The following ANKIB1 variants were observed in gnomAD, a reference collection of about 807,000 sequenced individuals.
ANKIB1 encodes ankyrin repeat and IBR domain-containing protein 1.
Under a neutral mutation model 122.1 loss-of-function variants are expected in ANKIB1, and 43 were observed. The observed-to-expected ratio is 0.35, with a 90% CI of 0.28 to 0.45. The LOEUF (loss-of-function observed/expected upper bound fraction) is 0.45, where lower values mean the gene tolerates loss of function less well. Ranked by LOEUF, ANKIB1 falls within the 20% of genes least tolerant of loss-of-function variation. The pLI, the probability that ANKIB1 is intolerant of heterozygous loss-of-function variation, is 1.00. For missense variants in ANKIB1, 992 were observed against 1,329.5 expected, an observed-to-expected ratio of 0.75 and a Z score of 3.95; for synonymous variants, 390 against 442.0, an observed-to-expected ratio of 0.88 and a Z score of 1.48.
chr7:92,359,195 A>G (rs983800690), intron 9 of ANKIB1, among the ~76,000 whole-genome samples: 1 of 152,136 alleles, frequency 6.6e-6, no homozygotes, highest in Non-Finnish European at 1.5e-5. Context: ...TACATTAGGT[A>G]TTTCTTCTAA....
chr7:92,376,812 T>G (rs549211763), intron 11 of ANKIB1, among the ~76,000 whole-genome samples: 1 of 152,232 alleles, frequency 6.6e-6, no homozygotes, highest in African/African-American at 2.4e-5. Flanking sequence ...CAATGTTGGC[T>G]AACTTTAAAT....
chr7:92,251,491 TG>T (rs948726319), intron 1 of ANKIB1, among the ~76,000 whole-genome samples: 27 of 152,164 alleles, frequency 1.8e-4, no homozygotes, highest in Non-Finnish European at 4.0e-4. Context: ...TATTTTCAGA[TG>T]AAAAAAATCA....
rs869276384 is a variant in ANKIB1 at position 92,309,923 on chromosome 7, T to TAAA, written c.486+2285_486+2287dup. On this transcript the variant is annotated intron_variant, in intron 3 of 19. Transcript: ENST00000265742. Reference sequence around the variant, plus strand: ...CTGGGCAACAGAGCGAGACTCCATCTAAAAAAAAAAAAAAAAAAAATATAT... The same window carrying TAAA: ...CTGGGCAACAGAGCGAGACTCCATCTAAAAAAAAAAAAAAAAAAAAAAATATAT... Among the ~76,000 whole-genome samples, 35 of 96,050 alleles carry TAAA rather than the reference T, an allele frequency of 3.6e-4. 1 individual carries two copies. In the East Asian group the frequency reaches 9.4e-3, roughly 26 times the overall value. The allele number at this position is 96,050 out of a possible 152,430, so 63.0% of individuals were successfully genotyped here. A position where few individuals can be genotyped will look rare whatever the true frequency, so the allele number is the denominator to read the frequency against.
At chr7:92,297,211 C>T (rs1295206500) in intron 2 of ANKIB1, among the ~76,000 whole-genome samples, 3 of 152,156 alleles carry the variant, frequency 2.0e-5, no homozygotes, top group Admixed American at 6.5e-5. Context: ...TTGTAACTGG[C>T]GAAGCTTGTT....
intron 1 of ANKIB1, among the ~76,000 whole-genome samples, chr7:92,257,213 A>G (rs935653335): frequency 1.7e-4 from 26 of 151,960 alleles, no homozygotes; most frequent in Non-Finnish European, 2.5e-4. Context: ...AGAGAGAAAA[A>G]AAGAAAAAAA....
rs775897754 is a variant in ANKIB1 at position 92,391,360 on chromosome 7, A to G, written c.2231+16A>G. On this transcript the variant is annotated intron_variant, in intron 16 of 19. Coordinates refer to ENST00000265742, the MANE Select transcript of ANKIB1 (RefSeq NM_019004.2). ...CAAGGCGCAGGTAAAAAGGACGTAC[A>G]CTGTGGAAATCATCCTAGCTCCAGC... The G allele has an allele frequency of 8.3e-6, 13 of 1,563,028 alleles. 1 individual carries two copies. In the Middle Eastern group the frequency reaches 1.2e-3, roughly 144 times the overall value.
chr7:92,361,477 G>C (rs1286082050), intron 9 of ANKIB1, among the ~76,000 whole-genome samples: 3 of 152,124 alleles, frequency 2.0e-5, no homozygotes, highest in African/African-American at 7.2e-5. Flanking sequence ...ATCACATGGG[G>C]CCTGTTCTTC....
chr7:92,388,065 A>T lies in ANKIB1; in HGVS notation c.1906+24A>T, dbSNP rs1055240312. On this transcript the variant is annotated intron_variant, in intron 14 of 19. Coordinates refer to ENST00000265742, the MANE Select transcript of ANKIB1 (RefSeq NM_019004.2). Reference sequence around the variant, plus strand: ...AAGTAAGTTATAAGTTGTATGTGTGATAATTAATATAAAATATCTTTCCAT... The same window carrying T: ...AAGTAAGTTATAAGTTGTATGTGTGTTAATTAATATAAAATATCTTTCCAT... The T allele has an allele frequency of 5.2e-6, 8 of 1,532,962 alleles. No homozygotes were observed. The African/African-American group carries it at 1.1e-4, about 21-fold the overall frequency. 95.0% of individuals were successfully genotyped at this position (1,532,962 alleles called of 1,614,324 possible).
intron 7 of ANKIB1, among the ~76,000 whole-genome samples, chr7:92,349,217 G>T (rs1187065105): frequency 6.6e-6 from 1 of 152,148 alleles, no homozygotes; most frequent in South Asian, 2.1e-4. Flanking sequence ...TTAGCCTGGG[G>T]TTTAAAGAGA....
rs763456589 is a variant in ANKIB1, at chr7:92,389,953, G to T, written c.1907-18G>T. On this transcript the variant is annotated intron_variant, in intron 14 of 19. Coordinates refer to ENST00000265742, the MANE Select transcript of ANKIB1 (RefSeq NM_019004.2). ...ATATTTGCAAAAACAAATTCACTGT[G>T]CCTCAATTACTTTTTAGCTGAAGGA... 1.9e-6 allele frequency: 3 copies of T among 1,571,512 alleles called. No individual in the cohort carries two copies. The highest frequency in any genetic ancestry group is 1.7e-4 in the Middle Eastern group (1 of 5,940).
At chr7:92,347,692 G>A (rs920576415) in intron 7 of ANKIB1, among the ~76,000 whole-genome samples, 1 of 152,142 alleles carries the variant, frequency 6.6e-6, no homozygotes, top group Non-Finnish European at 1.5e-5. Context: ...TAATATTGAG[G>A]ATAAGAGCTC....
intron 1 of ANKIB1, among the ~76,000 whole-genome samples, chr7:92,278,144 A>C (rs1037420776): frequency 6.6e-6 from 1 of 151,786 alleles, no homozygotes; most frequent in Non-Finnish European, 1.5e-5. Context: ...CTAGCTACTC[A>C]GGAGGCTAAG....
At chr7:92,365,272 G>A (rs1288217819) in intron 10 of ANKIB1, among the ~76,000 whole-genome samples, 8 of 152,136 alleles carry the variant, frequency 5.3e-5, no homozygotes, top group African/African-American at 2.4e-5. Context: ...CAAAGAAAGA[G>A]GAGGCCAATT....
intron 1 of ANKIB1, among the ~76,000 whole-genome samples, chr7:92,267,464 T>C (rs1426139617): frequency 6.6e-6 from 1 of 152,180 alleles, no homozygotes; most frequent in Non-Finnish European, 1.5e-5. Flanking sequence ...TCATATAAGG[T>C]GAATCATGTA....
chr7:92,279,035 A>G (rs918447818), intron 1 of ANKIB1, among the ~76,000 whole-genome samples: 1 of 152,130 alleles, frequency 6.6e-6, no homozygotes, highest in African/African-American at 2.4e-5. Context: ...CAGAGTGGGG[A>G]TGGTGTCGGG....
intron 11 of ANKIB1, among the ~76,000 whole-genome samples, chr7:92,372,888 AT>A (rs1047140416): frequency 6.6e-5 from 10 of 151,248 alleles, no homozygotes; most frequent in Non-Finnish European, 1.5e-4. Context: ...AGGAAAGTGT[AT>A]TTTTTTTTCT....
At chr7:92,341,744 G>A (rs901662958) in intron 5 of ANKIB1, among the ~76,000 whole-genome samples, 23 of 152,106 alleles carry the variant, frequency 1.5e-4, no homozygotes, top group African/African-American at 5.3e-4. Flanking sequence ...AGGATGGTTT[G>A]ACTTACAATT....
intron 14 of ANKIB1, 57 bp from the exon 15 acceptor site, chr7:92,389,914 A>G (rs1194274330): frequency 4.6e-6 from 7 of 1,513,178 alleles, no homozygotes; most frequent in South Asian, 1.3e-5. Context: ...TGTTTAATTA[A>G]TATTATAAAT....
Position 92,343,243 on chromosome 7 carries a change from G to C in ANKIB1, c.996+11G>C. The C allele has an allele frequency of 6.2e-7, 1 of 1,604,692 alleles. No individual in the cohort carries two copies. Among genetic ancestry groups the C allele is most frequent in the Non-Finnish European group, 8.5e-7 (1 of 1,172,254 alleles). ...TTAGACACCAGTTTGGTATGGTTTG[G>C]TATTCACTGTACTTCTCATAGCTTT... is the stretch of plus-strand genomic sequence containing the variant. On this transcript the variant is annotated intron_variant, in intron 6 of 19. Transcript: ENST00000265742.
Sources: gnomAD v4.1 joint callset for allele counts (sites outside exome capture counted in the v4.1 genomes callset) on GRCh38, gnomAD v4.1.1 for gene constraint, MANE v1.5 for transcripts, NCBI Gene and HGNC (gene_info 2026-07-23, HGNC 2026-07-21) for gene names.